PCDHGB7: variants seen among roughly 807,000 people sequenced by gnomAD.
PCDHGB7 encodes protocadherin gamma-B7.
Under a neutral mutation model 61.4 loss-of-function variants are expected in PCDHGB7, and 37 were observed. The ratio of observed to expected loss-of-function variants is 0.60; its 90% CI spans 0.46 to 0.79. PCDHGB7 has a LOEUF of 0.79. Among genes scored for constraint, PCDHGB7 ranks in the 30% least tolerant of loss-of-function variants. The probability of loss-of-function intolerance (pLI) is 0.00; values close to 1 mark genes in which losing one functional copy is unlikely to be tolerated. For synonymous variants in PCDHGB7, 464 were observed against 503.5 expected, an observed-to-expected ratio of 0.92 and a Z score of 1.05; for missense variants, 1,166 against 1,202.5, an observed-to-expected ratio of 0.97 and a Z score of 0.45.
At chr5:141,436,042 T>A (rs1246680632) in intron 1 of PCDHGB7, among the ~76,000 whole-genome samples, 4 of 152,182 alleles carry the variant, frequency 2.6e-5, no homozygotes, top group Non-Finnish European at 5.9e-5. Context: ...TGTATTTACA[T>A]TAGTTTTCAA....
rs200533514 is a variant in PCDHGB7 at position 141,476,315 on chromosome 5, C to T, written c.2416-18492C>T. On this transcript the variant is annotated intron_variant, in intron 1 of 3. Transcript: ENST00000398594. This position sits in a 1 kb window ranked among gnomAD's most constrained non-coding sequence, Gnocchi z 7.6. The stretch of plus-strand genomic sequence containing the variant: ...CGGTAGCCTCTCAGCCCGCAGGTTC[C>T]GGGTGGTGTCTGGAGCTAGCCGAAG... 264 of 1,613,910 alleles carry T rather than the reference C, an allele frequency of 1.6e-4. No homozygotes were observed. The highest frequency in any genetic ancestry group is 2.1e-4 in the Non-Finnish European group (248 of 1,180,024).
chr5:141,441,295 A>C (rs952946372), intron 1 of PCDHGB7: 3 of 152,240 alleles, frequency 2.0e-5, no homozygotes, highest in Non-Finnish European at 4.4e-5. Flanking sequence ...CACATGTCTG[A>C]TATAAGAAAA....
At position 141,478,736 on chromosome 5, in the gene PCDHGB7, T is replaced by G; in HGVS notation, c.2416-16071T>G. On this transcript the variant is annotated intron_variant, in intron 1 of 3. Coordinates refer to ENST00000398594, the MANE Select transcript of PCDHGB7 (RefSeq NM_018927.4). Reference sequence around the variant, plus strand: ...TGGTGGCCTGCCAGAGTGTGGTTTGTGGTCCCATTTCAGGGGGAAGATACT... The same window carrying G: ...TGGTGGCCTGCCAGAGTGTGGTTTGGGGTCCCATTTCAGGGGGAAGATACT... 5 of 1,534,796 alleles carry G rather than the reference T, an allele frequency of 3.3e-6. No homozygotes were observed. In the South Asian group the frequency reaches 6.2e-5, roughly 19 times the overall value.
chr5:141,441,813 A>T, intron 1 of PCDHGB7: 1 of 365,242 alleles, frequency 2.7e-6, no homozygotes, highest in South Asian at 2.3e-5. Context: ...GCTGTACCCC[A>T]GCTCTGGAGC....
In PCDHGB7 at chr5:141,417,782, C is replaced by T. The variant is rs2096161767; in HGVS notation, c.-78C>T. ...GACCCGGGACTCCTCCTGTCCTGGG[C>T]CGAATGCTCTTTTAGCGCGGTAGAG... On this transcript the variant is annotated 5_prime_UTR_variant, in exon 1 of 4. Transcript: ENST00000398594. 1 of 1,473,310 alleles carries T rather than the reference C, an allele frequency of 6.8e-7. No individual in the cohort carries two copies. The highest frequency in any genetic ancestry group is 9.0e-7 in the Non-Finnish European group (1 of 1,110,162). The allele number at this position is 1,473,310 out of a possible 1,614,324, so 91.3% of individuals were successfully genotyped here.
chr5:141,446,623 TGC>T (rs1310809206), intron 1 of PCDHGB7, among the ~76,000 whole-genome samples: 1 of 152,014 alleles, frequency 6.6e-6, no homozygotes, highest in African/African-American at 2.4e-5. Flanking sequence ...ACTACAGGCG[TGC>T]ACCACCACGC....
intron 1 of PCDHGB7, among the ~76,000 whole-genome samples, chr5:141,465,335 T>C (rs1222292569): frequency 6.6e-6 from 1 of 152,186 alleles, no homozygotes; most frequent in African/African-American, 2.4e-5. Context: ...ATTTTTTATA[T>C]TGGTTACTGA....
intron 1 of PCDHGB7, chr5:141,423,979 G>A: frequency 9.0e-7 from 1 of 1,115,484 alleles, no homozygotes. Flanking sequence ...CAGTGTATGA[G>A]GCTCTCAATT....
At chr5:141,494,938 G>A in intron 2 of PCDHGB7, 73 bp downstream of exon 2, 1 of 1,611,916 alleles carries the variant, frequency 6.2e-7, no homozygotes, top group South Asian at 1.1e-5. Context: ...AGGAGATGGG[G>A]GAGGGCCCAG....
At chr5:141,421,679 C>T (rs1210753842) in intron 1 of PCDHGB7, 2 of 1,613,810 alleles carry the variant, frequency 1.2e-6, no homozygotes, top group Admixed American at 1.7e-5. Context: ...ATTCCTGGGG[C>T]GCGATTTGCT....
Position 141,503,868 on chromosome 5 carries a change from G to A in PCDHGB7, c.2475-1525G>A, listed in dbSNP as rs928240898. Among the ~76,000 whole-genome samples, 24 of 152,202 alleles carry A rather than the reference G, an allele frequency of 1.6e-4. No individual in the cohort carries two copies. The South Asian group carries it at 4.1e-3, about 26-fold the overall frequency. ...TTGGAAAAATTGTAAAGCAGTTCTT[G>A]GTTGTGCTCACCCACCATGACAAAA... On this transcript the variant is annotated intron_variant, in intron 2 of 3. Coordinates refer to ENST00000398594, the MANE Select transcript of PCDHGB7 (RefSeq NM_018927.4).
chr5:141,436,958 G>C (rs2097855854), intron 1 of PCDHGB7, among the ~76,000 whole-genome samples: 1 of 152,124 alleles, frequency 6.6e-6, no homozygotes, highest in Non-Finnish European at 1.5e-5. Context: ...ATCTAAACAA[G>C]GATCTTGTGA....
intron 2 of PCDHGB7, among the ~76,000 whole-genome samples, chr5:141,504,141 T>C (rs1289360763): frequency 6.6e-6 from 1 of 152,192 alleles, no homozygotes; most frequent in East Asian, 1.9e-4. Flanking sequence ...AACACTCCCC[T>C]GCAAATTGAA....
intron 1 of PCDHGB7, among the ~76,000 whole-genome samples, chr5:141,467,758 C>CTCAA (rs933308513): frequency 6.6e-5 from 10 of 152,018 alleles, no homozygotes; most frequent in Admixed American, 5.9e-4. Flanking sequence ...GCCTCACATG[C>CTCAA]TCAAGTGCCC....
chr5:141,456,701 G>A lies in PCDHGB7; in HGVS notation c.2415+36427G>A, dbSNP rs370086323. ...CATTACTGGCCAGGCGTGGTGGCTC[G>A]CGCCTGTAATCCCAGCACTTTGGGA... On this transcript the variant is annotated intron_variant, in intron 1 of 3. Transcript: ENST00000398594. 2.3e-4 allele frequency among the ~76,000 whole-genome samples: 35 copies of A among 152,106 alleles called. No homozygotes were observed. The South Asian group carries it at 4.8e-3, about 21-fold the overall frequency.
In PCDHGB7 at chr5:141,432,262, A is replaced by G; in HGVS notation, c.2415+11988A>G. 1.9e-6 allele frequency: 3 copies of G among 1,614,222 alleles called. No homozygotes were observed. Among genetic ancestry groups the G allele is most frequent in the Non-Finnish European group, 2.5e-6 (3 of 1,180,036 alleles). On this transcript the variant is annotated intron_variant, in intron 1 of 3. Coordinates refer to ENST00000398594, the MANE Select transcript of PCDHGB7 (RefSeq NM_018927.4). This position sits in a 1 kb window ranked among gnomAD's most constrained non-coding sequence, Gnocchi z 6.0. ...AGAACACCATCCAAGGGGCAAGCCT[A>G]TCGTCCTACGTGTCCATCAACTCCG...
At chr5:141,495,492 G>C (rs1321150765) in intron 2 of PCDHGB7, among the ~76,000 whole-genome samples, 1 of 152,148 alleles carries the variant, frequency 6.6e-6, no homozygotes, top group Non-Finnish European at 1.5e-5. Flanking sequence ...CCTTTTTCTT[G>C]AGTTTCCGTC....
At chr5:141,478,251 T>C in intron 1 of PCDHGB7, 1 of 1,614,072 alleles carries the variant, frequency 6.2e-7, no homozygotes, top group Non-Finnish European at 8.5e-7. Context: ...GTGTTCGGAG[T>C]AATCATATTC....
chr5:141,439,790 C>G (rs2098131627), intron 1 of PCDHGB7: 2 of 152,248 alleles, frequency 1.3e-5, no homozygotes, highest in Non-Finnish European at 2.9e-5. Flanking sequence ...TTCTATAATC[C>G]AAGAAGAGTT....
Sources: allele counts gnomAD v4.1 joint callset (sites outside exome capture counted in the v4.1 genomes callset), GRCh38; gene constraint gnomAD v4.1.1; non-coding constraint Gnocchi (gnomAD v3.1); transcripts MANE v1.5; gene names NCBI Gene and HGNC (gene_info 2026-07-23, HGNC 2026-07-21).